SLIT3: variants seen among roughly 807,000 people sequenced by gnomAD.
SLIT3 encodes the protein slit guidance ligand 3.
In SLIT3, 68 loss-of-function variants were observed where a neutral mutation model predicts 184.0. The observed-to-expected ratio is 0.37, with a 90% confidence interval of 0.30 to 0.45. The LOEUF is 0.45. Ranked by LOEUF, SLIT3 falls within the 20% of genes least tolerant of loss-of-function variation. SLIT3 has a pLI of 1.00. For synonymous variants in SLIT3, 831 were observed against 828.6 expected (o/e 1.00, Z -0.05); for missense variants, 1,707 against 2,026.0 (o/e 0.84, Z 3.02).
At chr5:169,184,020 C>A (rs908531006) in intron 4 of SLIT3, among the ~76,000 whole-genome samples, 6 of 152,216 alleles carry the variant, frequency 3.9e-5, no homozygotes, top group African/African-American at 4.8e-5. Flanking sequence ...TGCTGGCCCA[C>A]AGGGCTGAAG....
intron 3 of SLIT3, among the ~76,000 whole-genome samples, chr5:169,224,201 T>C (rs1490098395): frequency 6.6e-6 from 1 of 152,010 alleles, no homozygotes; most frequent in Non-Finnish European, 1.5e-5. Context: ...AGAGTAACGG[T>C]AAGAATTAAA....
At chr5:168,689,867 G>T (rs553334466) in intron 29 of SLIT3, among the ~76,000 whole-genome samples, 4 of 152,292 alleles carry the variant, frequency 2.6e-5, no homozygotes, top group African/African-American at 9.6e-5. Flanking sequence ...AATAATTTTT[G>T]ATTTAAACAC....
At chr5:168,741,420 G>C (rs773270531) in intron 20 of SLIT3, among the ~76,000 whole-genome samples, 2 of 135,662 alleles carry the variant, frequency 1.5e-5, no homozygotes, top group Non-Finnish European at 1.5e-5. Flanking sequence ...GCAGTAAGCC[G>C]AGATCACACC....
chr5:168,939,592 A>G (rs1762269888), intron 4 of SLIT3, among the ~76,000 whole-genome samples: 1 of 152,250 alleles, frequency 6.6e-6, no homozygotes, highest in Non-Finnish European at 1.5e-5. Context: ...CTATAAAATA[A>G]GCTTCCTTAA....
chr5:168,770,546 C>T (rs901675837), intron 14 of SLIT3, among the ~76,000 whole-genome samples: 1 of 152,128 alleles, frequency 6.6e-6, no homozygotes, highest in Non-Finnish European at 1.5e-5. Flanking sequence ...GCTCAGCAGT[C>T]ATGCTTTCTT....
At chr5:168,761,559 G>T (rs1755148050) in intron 15 of SLIT3, among the ~76,000 whole-genome samples, 1 of 152,032 alleles carries the variant, frequency 6.6e-6, no homozygotes. Context: ...ACTGTAGGAG[G>T]TAGGCATTAA....
chr5:169,161,406 C>T (rs1341590829), intron 4 of SLIT3, among the ~76,000 whole-genome samples: 1 of 152,242 alleles, frequency 6.6e-6, no homozygotes, highest in Non-Finnish European at 1.5e-5. Flanking sequence ...TGTACCCGCC[C>T]ACTGGCTAGA....
At chr5:168,772,726 T>C (rs1217584793) in intron 14 of SLIT3, 55 bp downstream of exon 14, 2 of 1,602,274 alleles carry the variant, frequency 1.2e-6, no homozygotes, top group Non-Finnish European at 1.7e-6. Context: ...TTGGCCTCTC[T>C]GGGGCTGCTG....
intron 4 of SLIT3, among the ~76,000 whole-genome samples, chr5:169,184,785 C>T (rs1487039838): frequency 6.6e-6 from 1 of 152,214 alleles, no homozygotes; most frequent in Non-Finnish European, 1.5e-5. Context: ...AGCACAATCA[C>T]TTCGGAATAT....
chr5:168,957,434 G>A (rs983571612), intron 4 of SLIT3, among the ~76,000 whole-genome samples: 1 of 152,154 alleles, frequency 6.6e-6, no homozygotes, highest in African/African-American at 2.4e-5. Context: ...GTGTCTTGTA[G>A]ACCAAAGTGA....
Position 168,795,587 on chromosome 5 carries a change from C to T in SLIT3, c.936-9G>A, listed in dbSNP as rs768244787. The T allele has an allele frequency of 1.9e-6, 3 of 1,610,922 alleles. No homozygotes were observed. The East Asian group carries it at 6.7e-5, about 36-fold the overall frequency. On this transcript the variant is annotated splice_polypyrimidine_tract_variant and intron_variant, in intron 9 of 35. Transcript: ENST00000519560. ...AGTTCTGTTCTAGGCGTCTGGGAAACAGAGCAGAGAAGAGTGAATTAACCA... is the reference window on the plus strand; with the variant it reads ...AGTTCTGTTCTAGGCGTCTGGGAAATAGAGCAGAGAAGAGTGAATTAACCA...
At chr5:169,180,444 C>A (rs569918560) in intron 4 of SLIT3, among the ~76,000 whole-genome samples, 1 of 152,132 alleles carries the variant, frequency 6.6e-6, no homozygotes, top group Non-Finnish European at 1.5e-5. Flanking sequence ...ACAATAATTG[C>A]GGCTGTTAGA....
At chr5:168,889,135 G>A (rs1760338860) in intron 4 of SLIT3, among the ~76,000 whole-genome samples, 2 of 152,164 alleles carry the variant, frequency 1.3e-5, no homozygotes. Flanking sequence ...ACAGCAGGAG[G>A]GACAAACATG....
intron 26 of SLIT3, chr5:168,707,698 C>G (rs768008251): frequency 1.1e-4 from 39 of 362,952 alleles, no homozygotes; most frequent in Non-Finnish European, 1.7e-4. Flanking sequence ...CTTAATTTCT[C>G]CATGTTTCAC....
At chr5:168,693,249 TC>T (rs1761959631) in intron 28 of SLIT3, among the ~76,000 whole-genome samples, 1 of 151,766 alleles carries the variant, frequency 6.6e-6, no homozygotes, top group Non-Finnish European at 1.5e-5. Context: ...ACCCATAACC[TC>T]CCCCAGGAGG....
chr5:169,101,724 A>G (rs1581411110), intron 4 of SLIT3, among the ~76,000 whole-genome samples: 1 of 152,308 alleles, frequency 6.6e-6, no homozygotes, highest in East Asian at 1.9e-4. Context: ...CTCTGGTCTC[A>G]TTATCTGAGT....
At chr5:168,917,817 G>A (rs1761492807) in intron 4 of SLIT3, among the ~76,000 whole-genome samples, 2 of 152,144 alleles carry the variant, frequency 1.3e-5, no homozygotes, top group African/African-American at 4.8e-5. Context: ...TTTTTCCCCA[G>A]GCTGAAAGGG....
At chr5:168,800,479 T>C (rs1295703657) in intron 9 of SLIT3, among the ~76,000 whole-genome samples, 1 of 152,012 alleles carries the variant, frequency 6.6e-6, no homozygotes, top group Non-Finnish European at 1.5e-5. Flanking sequence ...CCCAGCTACT[T>C]GGGAGGCTGA....
intron 4 of SLIT3, among the ~76,000 whole-genome samples, chr5:169,051,783 AG>A (rs1561632598): frequency 6.6e-6 from 1 of 152,180 alleles, no homozygotes; most frequent in East Asian, 1.9e-4. Flanking sequence ...AGGGCTTATG[AG>A]CCAGGTCGTT....
Sources: gnomAD v4.1 joint callset for allele counts (sites outside exome capture counted in the v4.1 genomes callset) on GRCh38, gnomAD v4.1.1 for gene constraint, MANE v1.5 for transcripts, NCBI Gene and HGNC (gene_info 2026-07-23, HGNC 2026-07-21) for gene names.